AGXT2: variants seen among roughly 807,000 people sequenced by gnomAD.
AGXT2 encodes alanine--glyoxylate aminotransferase 2.
In AGXT2, 61 loss-of-function variants were observed where a neutral mutation model predicts 62.5. That is an observed-to-expected ratio of 0.98 (90% CI 0.79 to 1.21). The LOEUF is 1.21. Among genes scored for constraint, AGXT2 ranks in the 50% most tolerant of loss-of-function variants. The probability of loss-of-function intolerance (pLI) is 0.00; values close to 1 mark genes in which losing one functional copy is unlikely to be tolerated. For synonymous variants in AGXT2, 243 were observed against 218.7 expected, an observed-to-expected ratio of 1.11 and a Z score of -0.98; for missense variants, 666 against 641.5, an observed-to-expected ratio of 1.04 and a Z score of -0.41.
At chr5:35,031,406 A>AT (rs1561228503) in intron 7 of AGXT2, among the ~76,000 whole-genome samples, 1 of 151,990 alleles carries the variant, frequency 6.6e-6, no homozygotes, top group Non-Finnish European at 1.5e-5. Flanking sequence ...ACGATGGTGA[A>AT]TTTTTTTCCT....
chr5:35,036,452 C>T (rs931409693), intron 4 of AGXT2, among the ~76,000 whole-genome samples: 2 of 152,098 alleles, frequency 1.3e-5, no homozygotes, highest in Non-Finnish European at 2.9e-5. Flanking sequence ...AGAAAAACAG[C>T]TCATGTAGAA....
intron 12 of AGXT2, among the ~76,000 whole-genome samples, chr5:35,006,627 C>T (rs1319776553): frequency 6.6e-6 from 1 of 152,272 alleles, no homozygotes; most frequent in Non-Finnish European, 1.5e-5. Context: ...GGCTCCACCT[C>T]CAACACTGGG....
At chr5:35,044,149 G>A (rs1768094903) in intron 1 of AGXT2, among the ~76,000 whole-genome samples, 1 of 152,230 alleles carries the variant, frequency 6.6e-6, no homozygotes, top group South Asian at 2.1e-4. Flanking sequence ...GTGACAGATG[G>A]AATTCGAGGC....
chr5:35,040,194 T>C (rs996291983), intron 2 of AGXT2, among the ~76,000 whole-genome samples: 1 of 152,164 alleles, frequency 6.6e-6, no homozygotes, highest in African/African-American at 2.4e-5. Context: ...TTTGCTGGAG[T>C]ACCCAGGAAG....
chr5:35,003,618 T>C (rs1766317512), intron 13 of AGXT2, 145 bp downstream of exon 13: 1 of 767,326 alleles, frequency 1.3e-6, no homozygotes, highest in African/African-American at 1.8e-5. Flanking sequence ...CTAGATGACA[T>C]GTGGCTGGGT....
chr5:35,021,675 T>C (rs1219854583), intron 9 of AGXT2, among the ~76,000 whole-genome samples: 1 of 152,154 alleles, frequency 6.6e-6, no homozygotes, highest in African/African-American at 2.4e-5. Flanking sequence ...AAGGACTTCA[T>C]GTCTAAAACG....
chr5:35,010,280 C>A, intron 11 of AGXT2, 131 bp from the exon 12 acceptor site: 1 of 1,144,586 alleles, frequency 8.7e-7, no homozygotes, highest in Non-Finnish European at 1.3e-6. Flanking sequence ...TCTAGTGTGA[C>A]CACAAGGACT....
At chr5:35,005,265 G>A (rs1035573036) in intron 12 of AGXT2, among the ~76,000 whole-genome samples, 1 of 152,154 alleles carries the variant, frequency 6.6e-6, no homozygotes, top group Non-Finnish European at 1.5e-5. Flanking sequence ...GTCTCACTCT[G>A]TTGCCCAGGC....
chr5:35,009,338 G>A (rs1766539382), intron 12 of AGXT2, among the ~76,000 whole-genome samples: 1 of 152,156 alleles, frequency 6.6e-6, no homozygotes. Context: ...GCTCATGCCT[G>A]TAATCTTAGT....
chr5:35,038,161 T>C (rs1767851326), intron 3 of AGXT2, among the ~76,000 whole-genome samples: 1 of 152,248 alleles, frequency 6.6e-6, no homozygotes, highest in Admixed American at 6.5e-5. Flanking sequence ...TATTTTCTCA[T>C]GGGACCCTTT....
chr5:35,041,513 A>T (rs932698958), intron 1 of AGXT2, among the ~76,000 whole-genome samples: 3 of 152,124 alleles, frequency 2.0e-5, no homozygotes, highest in Non-Finnish European at 4.4e-5. Flanking sequence ...GCCAGCACAG[A>T]CTTTGGCCCC....
chr5:35,006,563 C>T (rs953066450), intron 12 of AGXT2, among the ~76,000 whole-genome samples: 2 of 152,056 alleles, frequency 1.3e-5, no homozygotes, highest in Non-Finnish European at 2.9e-5. Flanking sequence ...TGAAGTCACT[C>T]GTCACCAAGC....
intron 9 of AGXT2, among the ~76,000 whole-genome samples, chr5:35,021,750 G>T (rs1382006541): frequency 3.3e-5 from 5 of 151,842 alleles, no homozygotes; most frequent in African/African-American, 1.2e-4. Flanking sequence ...AAGAGCTTCT[G>T]CACAGCAAAA....
Position 35,012,985 on chromosome 5 carries a change from A to G in AGXT2, c.1157T>C (p.Met386Thr), listed in dbSNP as rs1399266618. ...CACAGCAGATCCAATGGCACAGGCC[A>G]TGGGGTTCCCTCCAAAGGTGTTGAA... ...QHFNTFGGNP[M>T]ACAIGSAVLE... Residue 386 changes from methionine to threonine, a missense_variant, in exon 11 of 14, where the codon ATG (methionine) becomes ACG (threonine). Met to Thr is a moderately conservative substitution (Grantham distance 81). Coordinates refer to ENST00000231420, the MANE Select transcript of AGXT2 (RefSeq NM_031900.4). 3 of 1,551,646 alleles carry G rather than the reference A, an allele frequency of 1.9e-6. No homozygotes were observed. Among genetic ancestry groups the G allele is most frequent in the Non-Finnish European group, 2.6e-6 (3 of 1,147,004 alleles).
intron 11 of AGXT2, 187 bp downstream of exon 11, chr5:35,012,767 G>A (rs1200012561): frequency 4.7e-6 from 3 of 632,728 alleles, no homozygotes; most frequent in Non-Finnish European, 8.6e-6. Context: ...AATACTTTCA[G>A]CACCCAAAGT....
Position 35,026,413 on chromosome 5 carries a change from A to C in AGXT2, c.867T>G (p.Ile289Met). ...TGTCTAAGGTTCATATACCCACTTG[A>C]ATAGGTTCTGCGAAAAATCCAGCAA... ...KSIAGFFAEP[I>M]QGVNGVVQYP... The change falls in exon 8 of 14, where the codon ATT (isoleucine) becomes ATG (methionine). Residue 289 changes from isoleucine to methionine, a missense_variant. Physicochemically the swap from Ile to Met is conservative, Grantham distance 10. Coordinates refer to ENST00000231420, the MANE Select transcript of AGXT2 (RefSeq NM_031900.4). 1.9e-6 allele frequency: 3 copies of C among 1,613,696 alleles called. No individual in the cohort carries two copies. The highest frequency in any genetic ancestry group is 2.5e-6 in the Non-Finnish European group (3 of 1,179,608).
intron 5 of AGXT2, 71 bp downstream of exon 5, chr5:35,035,151 A>G (rs1767711916): frequency 7.7e-7 from 1 of 1,306,346 alleles, no homozygotes; most frequent in Admixed American, 1.7e-5. Context: ...CCATGCTACA[A>G]TGTAAAGCTA....
intron 4 of AGXT2, among the ~76,000 whole-genome samples, chr5:35,036,429 T>A (rs1203771254): frequency 6.6e-6 from 1 of 152,228 alleles, no homozygotes; most frequent in Admixed American, 6.5e-5. Context: ...AAAAGATCAG[T>A]CATTTCAGAT....
chr5:35,003,965 T>C (rs1766331780), intron 12 of AGXT2, 104 bp from the exon 13 acceptor site: 1 of 992,038 alleles, frequency 1.0e-6, no homozygotes, highest in South Asian at 1.4e-5. Flanking sequence ...TCAATGCCCC[T>C]CTTTTTTTTC....
Sources: gnomAD v4.1 joint callset for allele counts (sites outside exome capture counted in the v4.1 genomes callset) on GRCh38, gnomAD v4.1.1 for gene constraint, MANE v1.5 for transcripts, NCBI Gene and HGNC (gene_info 2026-07-23, HGNC 2026-07-21) for gene names.